GTF3C1: variants seen among roughly 807,000 people sequenced by gnomAD.
The protein encoded by GTF3C1 is general transcription factor IIIC subunit 1.
In GTF3C1, 57 loss-of-function variants were observed where a neutral mutation model predicts 226.7. The ratio of observed to expected loss-of-function variants is 0.25; its 90% CI spans 0.20 to 0.31. GTF3C1 has a LOEUF of 0.31. GTF3C1 is among the 10% of genes least tolerant of loss of function. GTF3C1 has a pLI of 1.00. For missense variants in GTF3C1, 2,217 were observed against 2,776.1 expected (o/e 0.80, Z 4.53); for synonymous variants, 1,090 against 1,084.8 (o/e 1.00, Z -0.09).
At position 27,486,057 on chromosome 16, in the gene GTF3C1, A is replaced by T. The variant is rs1211041131; in HGVS notation, c.3798T>A (p.Ser1266=). 6.2e-7 allele frequency: 1 copy of T among 1,611,830 alleles called. No individual in the cohort carries two copies. The highest frequency in any genetic ancestry group is 8.5e-7 in the Non-Finnish European group (1 of 1,178,012). ...GCACAAGCAGCCCATCCTCCTGCAT[A>T]GACCAGGTGACACGAAGCCGCGTCA... ...QRMTRLRVTW[S]MQEDGLLVLC... Residue 1266 remains serine, a synonymous_variant, in exon 24 of 37, where the codon TCT becomes TCA. Transcript: ENST00000356183.
At chr16:27,478,731 G>T (rs1318262178) in intron 27 of GTF3C1, 200 bp from the exon 28 acceptor site, 1 of 580,920 alleles carries the variant, frequency 1.7e-6, no homozygotes, top group Admixed American at 2.9e-5. Flanking sequence ...GGAGGGCTGA[G>T]AAAATGTGCA....
At chr16:27,510,249 G>A (rs2088553543) in intron 7 of GTF3C1, among the ~76,000 whole-genome samples, 1 of 152,176 alleles carries the variant, frequency 6.6e-6, no homozygotes, top group Non-Finnish European at 1.5e-5. Context: ...AGTGGGGCAT[G>A]GTGATGGGCG....
At chr16:27,499,851 C>T (rs1206887881) in intron 12 of GTF3C1, among the ~76,000 whole-genome samples, 1 of 152,232 alleles carries the variant, frequency 6.6e-6, no homozygotes, top group Non-Finnish European at 1.5e-5. Flanking sequence ...AGATCAAAGG[C>T]TGCCAGCAGC....
At chr16:27,516,355 G>A (rs2141418867) in intron 6 of GTF3C1, among the ~76,000 whole-genome samples, 1 of 152,364 alleles carries the variant, frequency 6.6e-6, no homozygotes, top group South Asian at 2.1e-4. Context: ...ATGACCCAGA[G>A]TGGGTGCTGT....
At chr16:27,544,128 C>A (rs2089130042) in intron 2 of GTF3C1, among the ~76,000 whole-genome samples, 1 of 152,124 alleles carries the variant, frequency 6.6e-6, no homozygotes, top group African/African-American at 2.4e-5. Flanking sequence ...GTTGCTCACA[C>A]TTGTAATCCC....
rs1488676330 is a variant in GTF3C1, at chr16:27,549,900, A to G, written c.-10T>C. ...ACTCCAGCGCGTCCATTGCTACTTCAGTCGGCGGCGCCCGGGGCGCATGCG... is the reference window on the plus strand; with the variant it reads ...ACTCCAGCGCGTCCATTGCTACTTCGGTCGGCGGCGCCCGGGGCGCATGCG... On this transcript the variant is annotated 5_prime_UTR_variant, in exon 1 of 37. Coordinates refer to ENST00000356183, the MANE Select transcript of GTF3C1 (RefSeq NM_001520.4). The G allele has an allele frequency of 6.2e-7, 1 of 1,604,872 alleles. No homozygotes were observed. The highest frequency in any genetic ancestry group is 1.7e-5 in the Admixed American group (1 of 59,780).
At chr16:27,476,632 T>C (rs1045458111) in intron 28 of GTF3C1, 88 bp from the exon 29 acceptor site, 97 of 751,672 alleles carry the variant, frequency 1.3e-4, no homozygotes, top group Admixed American at 5.1e-4. Context: ...AAAACTTGAA[T>C]CTCACAAAAG....
intron 4 of GTF3C1, among the ~76,000 whole-genome samples, chr16:27,535,057 C>T (rs1045720623): frequency 1.3e-5 from 2 of 152,022 alleles, no homozygotes; most frequent in African/African-American, 4.8e-5. Flanking sequence ...AAAATATACA[C>T]AAATCTATTA....
At chr16:27,509,778 AAG>A (rs1452337385) in intron 7 of GTF3C1, among the ~76,000 whole-genome samples, 8 of 151,590 alleles carry the variant, frequency 5.3e-5, no homozygotes, top group Non-Finnish European at 1.2e-4. Context: ...AAAAAAAAAA[AAG>A]AAGTATCTTC....
In GTF3C1 at chr16:27,471,500, G is replaced by A; in HGVS notation, c.4526+248C>T. On this transcript the variant is annotated intron_variant, in intron 30 of 36. Transcript: ENST00000356183. The surrounding 1 kb of genome is among the most constrained non-coding windows in gnomAD (Gnocchi z 5.0). ...ACTGATTTCACTCCATCTGACGAGA[G>A]AAACGGAAACAAACCACCTGCAAAA... 6.1e-6 allele frequency: 3 copies of A among 488,546 alleles called. No homozygotes were observed. The South Asian group carries it at 9.0e-5, about 15-fold the overall frequency. 30.3% of individuals were successfully genotyped at this position (488,546 alleles called of 1,614,324 possible). A position where few individuals can be genotyped will look rare whatever the true frequency, so the allele number is the denominator to read the frequency against.
At chr16:27,501,435 C>G (rs2088402549) in intron 11 of GTF3C1, 91 bp from the exon 12 acceptor site, 2 of 1,149,868 alleles carry the variant, frequency 1.7e-6, no homozygotes, top group Non-Finnish European at 2.6e-6. Context: ...CTCACGGTAC[C>G]CAATAGAAAC....
chr16:27,463,237 C>T lies in GTF3C1; in HGVS notation c.5924+304G>A, dbSNP rs2087731184. 3.5e-5 allele frequency: 15 copies of T among 427,230 alleles called. 1 individual carries two copies. The South Asian group carries it at 5.2e-4, about 15-fold the overall frequency. The allele number at this position is 427,230 out of a possible 1,614,324, so 26.5% of individuals were successfully genotyped here. A position where few individuals can be genotyped will look rare whatever the true frequency, so the allele number is the denominator to read the frequency against. ...TCATCTGCAGGAGTGGGTGAGGTGCCTGTGGGCCATGAGGAGCCAGTGAAG... is the reference window on the plus strand; with the variant it reads ...TCATCTGCAGGAGTGGGTGAGGTGCTTGTGGGCCATGAGGAGCCAGTGAAG... On this transcript the variant is annotated intron_variant, in intron 35 of 36. Transcript: ENST00000356183. This position sits in a 1 kb window ranked among gnomAD's most constrained non-coding sequence, Gnocchi z 4.9.
At chr16:27,485,959 G>A in intron 24 of GTF3C1, 38 bp downstream of exon 24, 1 of 1,479,842 alleles carries the variant, frequency 6.8e-7, no homozygotes, top group Middle Eastern at 1.9e-4. Context: ...AGCTCCGAGT[G>A]AGGGGCAGGC....
intron 32 of GTF3C1, among the ~76,000 whole-genome samples, chr16:27,467,560 G>A (rs960463276): frequency 2.0e-5 from 3 of 152,174 alleles, no homozygotes; most frequent in Admixed American, 6.5e-5. Context: ...TCACTTTCAA[G>A]TCTTATTATT....
At chr16:27,526,569 A>G (rs1280182597) in intron 6 of GTF3C1, among the ~76,000 whole-genome samples, 1 of 152,202 alleles carries the variant, frequency 6.6e-6, no homozygotes, top group African/African-American at 2.4e-5. Flanking sequence ...AGTATCCCCA[A>G]GTTTTAGTTG....
intron 14 of GTF3C1, 61 bp from the exon 15 acceptor site, chr16:27,495,553 T>G: frequency 6.8e-7 from 1 of 1,476,844 alleles, no homozygotes; most frequent in Non-Finnish European, 9.3e-7. Flanking sequence ...CAGTTTTAAT[T>G]CATTAAAAAA....
chr16:27,488,124 G>A (rs1410386249), intron 23 of GTF3C1, 103 bp downstream of exon 23: 5 of 961,392 alleles, frequency 5.2e-6, no homozygotes, highest in Admixed American at 2.2e-5. Flanking sequence ...GCGGAAACCC[G>A]TGCTGAAGGG....
intron 29 of GTF3C1, among the ~76,000 whole-genome samples, chr16:27,476,017 T>C (rs536383896): frequency 2.6e-5 from 4 of 152,246 alleles, no homozygotes; most frequent in African/African-American, 4.8e-5. Flanking sequence ...TGAGGAAAGC[T>C]GGCCAAGGGG....
chr16:27,488,578 G>T lies in GTF3C1; in HGVS notation c.3487C>A (p.Arg1163Ser). 1 of 1,613,954 alleles carries T rather than the reference G, an allele frequency of 6.2e-7. No individual in the cohort carries two copies. The highest frequency in any genetic ancestry group is 2.2e-5 in the East Asian group (1 of 44,886). The part of the protein sequence containing the change: ...TVRLQTFLSK[R>S]PMPLSARGNS... Reference sequence around the variant, plus strand: ...CCTCTGGCACTGAGGGGCATTGGGCGCTTGGACAGAAATGTCTGGAGCCTC... The same window carrying T: ...CCTCTGGCACTGAGGGGCATTGGGCTCTTGGACAGAAATGTCTGGAGCCTC... Residue 1163 changes from arginine to serine, a missense_variant, in exon 22 of 37, where the codon CGC becomes AGC. Transcript: ENST00000356183.
Sources: allele counts gnomAD v4.1 joint callset (sites outside exome capture counted in the v4.1 genomes callset), GRCh38; gene constraint gnomAD v4.1.1; non-coding constraint Gnocchi (gnomAD v3.1); transcripts MANE v1.5; gene names NCBI Gene and HGNC (gene_info 2026-07-23, HGNC 2026-07-21).